The following KNG1 variants were observed in gnomAD, a reference collection of about 807,000 sequenced individuals.
KNG1 encodes the protein kininogen-1.
In KNG1, 23 loss-of-function variants were observed where a neutral mutation model predicts 47.8. The ratio of observed to expected loss-of-function variants is 0.48; its 90% CI spans 0.35 to 0.68. The LOEUF (loss-of-function observed/expected upper bound fraction) is 0.68. Among genes scored for constraint, KNG1 ranks in the 30% least tolerant of loss-of-function variants. KNG1 has a pLI of 0.01. For synonymous variants in KNG1, 277 were observed against 277.0 expected, an observed-to-expected ratio of 1.00 and a Z score of 0.00; for missense variants, 762 against 790.2, an observed-to-expected ratio of 0.96 and a Z score of 0.43.
At chr3:186,720,520 C>A in intron 2 of KNG1, 4 of 319,038 alleles carry the variant, frequency 1.3e-5, no homozygotes, top group Non-Finnish European at 1.8e-5. Context: ...AGCCAAAGAG[C>A]TGGCGAGGGG....
Position 186,717,548 on chromosome 3 carries a change from A to T in KNG1, c.6A>T (p.Lys2Asn). The change falls in exon 1 of 10, where the codon AAA becomes AAT. Residue 2 changes from lysine to asparagine, a missense_variant. Coordinates refer to ENST00000644859, the MANE Select transcript of KNG1 (RefSeq NM_001102416.3). MKLITILFLCSR... is the reference protein window; with the variant it reads MNLITILFLCSR... The stretch of plus-strand genomic sequence containing the variant: ...TAGAGGGAGATTGTTAGATCATGAA[A>T]CTAATTACCATCCTTTTCCTCTGCT... 6.2e-7 allele frequency: 1 copy of T among 1,610,126 alleles called. No individual in the cohort carries two copies. The highest frequency in any genetic ancestry group is 1.1e-5 in the South Asian group (1 of 90,966).
rs1444011372 is a variant in KNG1, at chr3:186,727,303, T to A, written c.631T>A (p.Phe211Ile). The change falls in exon 5 of 10, where the codon TTT becomes ATT. Residue 211 changes from phenylalanine (F) to isoleucine (I), a missense_variant. Phe to Ile is a conservative substitution (Grantham distance 21). Coordinates refer to ENST00000644859, the MANE Select transcript of KNG1 (RefSeq NM_001102416.3). ...GCAAACGAATTGTTCCAAAGAGAAT[T>A]TTCTGTTCTTAACTCCAGACTGCAA... ...IVQTNCSKENFLFLTPDCKSL... is the reference protein window; with the variant it reads ...IVQTNCSKENILFLTPDCKSL... 5 of 1,613,798 alleles carry A rather than the reference T, an allele frequency of 3.1e-6. No homozygotes were observed. In the African/African-American group the frequency reaches 6.7e-5, roughly 22 times the overall value.
Position 186,734,227 on chromosome 3 carries a change from T to C in KNG1, c.930+1553T>C, listed in dbSNP as rs538441636. 1.3e-4 allele frequency among the ~76,000 whole-genome samples: 20 copies of C among 152,324 alleles called. No homozygotes were observed. The South Asian group carries it at 4.1e-3, about 32-fold the overall frequency. On this transcript the variant is annotated intron_variant, in intron 7 of 9. Coordinates refer to ENST00000644859, the MANE Select transcript of KNG1 (RefSeq NM_001102416.3). ...CTAAAGTAGGAGTCTTTATATACAATGATATTCACTGCAGTTTTAAGTATA... is the reference window on the plus strand; with the variant it reads ...CTAAAGTAGGAGTCTTTATATACAACGATATTCACTGCAGTTTTAAGTATA...
chr3:186,741,392 A>G, intron 9 of KNG1, 130 bp from the exon 10 acceptor site: 6 of 745,190 alleles, frequency 8.1e-6, no homozygotes, highest in East Asian at 2.7e-5. Flanking sequence ...ATGTTAATAT[A>G]GCATTTAAAA....
At chr3:186,729,736 G>C (rs5030035) in intron 5 of KNG1, among the ~76,000 whole-genome samples, 2 of 151,478 alleles carry the variant, frequency 1.3e-5, no homozygotes, top group African/African-American at 4.9e-5. Flanking sequence ...GCAATAGCGC[G>C]ATCTTGGCTC....
At chr3:186,724,781 C>T (rs140584212) in intron 3 of KNG1, among the ~76,000 whole-genome samples, 22 of 152,136 alleles carry the variant, frequency 1.4e-4, no homozygotes, top group African/African-American at 4.6e-4. Flanking sequence ...CTGCAACCTC[C>T]GTCTCCTGAG....
At chr3:186,719,956 A>C in intron 1 of KNG1, 149 bp from the exon 2 acceptor site, 1 of 695,334 alleles carries the variant, frequency 1.4e-6, no homozygotes, top group South Asian at 1.6e-5. Context: ...CTTTCACATA[A>C]ATGTTTATGA....
chr3:186,738,532 C>T lies in KNG1; in HGVS notation c.931-567C>T, dbSNP rs149143473. 3.9e-5 allele frequency: 6 copies of T among 152,384 alleles called. No individual in the cohort carries two copies. In the East Asian group the frequency reaches 1.2e-3, roughly 29 times the overall value. 9.4% of individuals were successfully genotyped at this position (152,384 alleles called of 1,614,324 possible). On this transcript the variant is annotated intron_variant, in intron 7 of 9. Coordinates refer to ENST00000644859, the MANE Select transcript of KNG1 (RefSeq NM_001102416.3). ...ATTTAACAGCTGTTGGACAATAAAA[C>T]TCAAATAAATACATAAATAAATAAA...
chr3:186,727,682 CT>C (rs1299127420), intron 5 of KNG1, among the ~76,000 whole-genome samples: 2 of 152,172 alleles, frequency 1.3e-5, no homozygotes, highest in African/African-American at 2.4e-5. Flanking sequence ...AGCTATTCTC[CT>C]GCCTCAGCCT....
In KNG1 at chr3:186,744,129, T is replaced by C; in HGVS notation, c.*1798T>C. The C allele has an allele frequency of 2.9e-6, 1 of 345,750 alleles. No individual in the cohort carries two copies. Among genetic ancestry groups the C allele is most frequent in the Non-Finnish European group, 5.5e-6 (1 of 181,322 alleles). 21.4% of individuals were successfully genotyped at this position (345,750 alleles called of 1,614,324 possible). On this transcript the variant is annotated 3_prime_UTR_variant, in exon 10 of 10. Coordinates refer to ENST00000644859, the MANE Select transcript of KNG1 (RefSeq NM_001102416.3). ...CCACCACGGGTGCTAAAAGAAGAGT[T>C]AGTAGGTCATGCTTCTACCAGTAAT...
chr3:186,739,576 G>T (rs1393889080), intron 9 of KNG1, among the ~76,000 whole-genome samples, 162 bp downstream of exon 9: 1 of 152,196 alleles, frequency 6.6e-6, no homozygotes, highest in Non-Finnish European at 1.5e-5. Context: ...TTAATGGCTA[G>T]AAAGAAGAGT....
At chr3:186,726,271 CT>C (rs1720367762) in intron 4 of KNG1, among the ~76,000 whole-genome samples, 2 of 114,902 alleles carry the variant, frequency 1.7e-5, no homozygotes, top group Non-Finnish European at 3.5e-5. Flanking sequence ...CCAGACTTTT[CT>C]TCTTTTTTTT....
chr3:186,730,985 A>C (rs1720516709), intron 5 of KNG1, among the ~76,000 whole-genome samples: 2 of 151,880 alleles, frequency 1.3e-5, no homozygotes, highest in Non-Finnish European at 2.9e-5. Context: ...ATTCACGTGT[A>C]ATTTTTTCTA....
In KNG1 at chr3:186,743,068, C is replaced by A; in HGVS notation, c.*737C>A. ...GCCCTTTCTGAGTGAGAGTGTTTCTCATAAGTCAAAAATTTCTGTTTACTC... is the reference window on the plus strand; with the variant it reads ...GCCCTTTCTGAGTGAGAGTGTTTCTAATAAGTCAAAAATTTCTGTTTACTC... On this transcript the variant is annotated 3_prime_UTR_variant, in exon 10 of 10. Transcript: ENST00000644859. 1 of 524,600 alleles carries A rather than the reference C, an allele frequency of 1.9e-6. No homozygotes were observed. The highest frequency in any genetic ancestry group is 2.4e-6 in the Non-Finnish European group (1 of 409,130). 32.5% of individuals were successfully genotyped at this position (524,600 alleles called of 1,614,324 possible).
rs965388262 is a variant in KNG1 at position 186,743,539 on chromosome 3, T to G, written c.*1208T>G. On this transcript the variant is annotated 3_prime_UTR_variant, in exon 10 of 10. Coordinates refer to ENST00000644859, the MANE Select transcript of KNG1 (RefSeq NM_001102416.3). ...GTCACTGCTGCTTCAAGTTATTGGATGCATTTGAACCTCTGAGTTTGTCTT... is the reference window on the plus strand; with the variant it reads ...GTCACTGCTGCTTCAAGTTATTGGAGGCATTTGAACCTCTGAGTTTGTCTT... 3.2e-6 allele frequency: 2 copies of G among 627,222 alleles called. No homozygotes were observed. Among genetic ancestry groups the G allele is most frequent in the Non-Finnish European group, 5.7e-6 (2 of 348,986 alleles). 38.9% of individuals were successfully genotyped at this position (627,222 alleles called of 1,614,324 possible).
rs1327429181 is a variant in KNG1 at position 186,727,300 on chromosome 3, A to T, written c.628A>T (p.Asn210Tyr). Residue 210 changes from asparagine (N) to tyrosine (Y), a missense_variant, in exon 5 of 10, where the codon AAT (asparagine) becomes TAT (tyrosine). Transcript: ENST00000644859. ...TGTGCAAACGAATTGTTCCAAAGAG[A>T]ATTTTCTGTTCTTAACTCCAGACTG... is the stretch of plus-strand genomic sequence containing the variant. ...SIVQTNCSKENFLFLTPDCKS... is the reference protein window; with the variant it reads ...SIVQTNCSKEYFLFLTPDCKS... 6.2e-7 allele frequency: 1 copy of T among 1,613,810 alleles called. No individual in the cohort carries two copies. The highest frequency in any genetic ancestry group is 8.5e-7 in the Non-Finnish European group (1 of 1,179,846).
intron 5 of KNG1, among the ~76,000 whole-genome samples, chr3:186,728,110 C>G (rs922614253): frequency 1.1e-4 from 16 of 152,206 alleles, no homozygotes; most frequent in Non-Finnish European, 2.1e-4. Flanking sequence ...CCCTGAGTCT[C>G]TAGCCCTTAG....
At chr3:186,738,168 G>C (rs1303407482) in intron 7 of KNG1, 3 of 151,698 alleles carry the variant, frequency 2.0e-5, no homozygotes. Flanking sequence ...AGTAGAGGTG[G>C]GGTTTCACCA....
In KNG1 at chr3:186,742,851, G is replaced by A. The variant is rs187327317; in HGVS notation, c.*520G>A. Reference sequence around the variant, plus strand: ...CAGTGAGCCGAGATCGTGCCACTGCGCTCCAGCCTGGGCATCAGAGCAAGA... The same window carrying A: ...CAGTGAGCCGAGATCGTGCCACTGCACTCCAGCCTGGGCATCAGAGCAAGA... On this transcript the variant is annotated 3_prime_UTR_variant, in exon 10 of 10. Coordinates refer to ENST00000644859, the MANE Select transcript of KNG1 (RefSeq NM_001102416.3). The A allele has an allele frequency of 6.5e-5, 61 of 937,104 alleles. No individual in the cohort carries two copies. In the East Asian group the frequency reaches 2.4e-3, roughly 37 times the overall value. The allele number at this position is 937,104 out of a possible 1,614,324, so 58.0% of individuals were successfully genotyped here. A position where few individuals can be genotyped will look rare whatever the true frequency, so the allele number is the denominator to read the frequency against.
Sources: gnomAD v4.1 joint callset for allele counts (sites outside exome capture counted in the v4.1 genomes callset) on GRCh38, gnomAD v4.1.1 for gene constraint, MANE v1.5 for transcripts, NCBI Gene and HGNC (gene_info 2026-07-23, HGNC 2026-07-21) for gene names.